The following DPP10 variants were observed in gnomAD, a reference collection of about 807,000 sequenced individuals.
DPP10 encodes dipeptidyl peptidase like 10, also known as inactive dipeptidyl peptidase 10.
In DPP10, 33 loss-of-function variants were observed where a neutral mutation model predicts 120.9. The ratio of observed to expected loss-of-function variants is 0.27; its 90% CI spans 0.21 to 0.37. The LOEUF is 0.37. DPP10 is among the 10% of genes least tolerant of loss of function. The pLI is 1.00. For synonymous variants in DPP10, 337 were observed against 326.1 expected, an observed-to-expected ratio of 1.03 and a Z score of -0.36; for missense variants, 816 against 942.8, an observed-to-expected ratio of 0.87 and a Z score of 1.76.
chr2:115,333,875 CT>C, intron 2 of DPP10, among the ~76,000 whole-genome samples: 1 of 152,026 alleles, frequency 6.6e-6, no homozygotes, highest in South Asian at 2.1e-4. Context: ...TTCACTTCAA[CT>C]TTGGTGTATC....
At chr2:114,717,943 A>AT (rs747336475) in intron 1 of DPP10, among the ~76,000 whole-genome samples, 121 of 152,280 alleles carry the variant, frequency 7.9e-4, no homozygotes, top group Non-Finnish European at 1.4e-3. Flanking sequence ...AACTATTGCT[A>AT]TTTTTTAACA....
rs574778371 is a variant in DPP10, at chr2:114,900,173, T to G, written c.61-409066T>G. On this transcript the variant is annotated intron_variant, in intron 1 of 25. Coordinates refer to ENST00000410059, the MANE Select transcript of DPP10 (RefSeq NM_020868.6). ...TAGTCAATAACAACGTACACTTAAA[T>G]TTTTGTCAAGAGGGTAGGACTTCAC... Among the ~76,000 whole-genome samples the G allele has an allele frequency of 2.2e-3, 331 of 152,318 alleles. 3 individuals are homozygous for G. The highest frequency in any genetic ancestry group is 7.6e-3 in the African/African-American group (315 of 41,568).
intron 8 of DPP10, among the ~76,000 whole-genome samples, chr2:115,732,174 CAT>C (rs2092926688): frequency 6.6e-6 from 1 of 152,038 alleles, no homozygotes; most frequent in African/African-American, 2.4e-5. Flanking sequence ...CAGAAAGTAA[CAT>C]GTAACATTTC....
chr2:114,539,061 T>C (rs1573601983), intron 1 of DPP10, among the ~76,000 whole-genome samples: 1 of 152,198 alleles, frequency 6.6e-6, no homozygotes, highest in East Asian at 1.9e-4. Context: ...TTCTTGCTTC[T>C]ACTCATAACC....
intron 1 of DPP10, among the ~76,000 whole-genome samples, chr2:114,565,904 C>T (rs1573669750): frequency 6.6e-6 from 1 of 152,286 alleles, no homozygotes; most frequent in East Asian, 1.9e-4. Flanking sequence ...TTCATTCATT[C>T]AATGTATATT....
chr2:114,455,130 G>A (rs560227778), intron 1 of DPP10, among the ~76,000 whole-genome samples: 3 of 148,244 alleles, frequency 2.0e-5, no homozygotes, highest in African/African-American at 7.5e-5. Context: ...ATACTTTGTT[G>A]GTTTTTTCAA....
At chr2:115,484,033 G>A (rs772834390) in intron 3 of DPP10, among the ~76,000 whole-genome samples, 6 of 151,928 alleles carry the variant, frequency 3.9e-5, no homozygotes, top group African/African-American at 1.2e-4. Context: ...AACATGACTC[G>A]TGTAGATGAC....
At chr2:115,375,184 G>A (rs1002997082) in intron 3 of DPP10, among the ~76,000 whole-genome samples, 1 of 152,152 alleles carries the variant, frequency 6.6e-6, no homozygotes, top group Admixed American at 6.5e-5. Flanking sequence ...ATGACTGTAT[G>A]CTGTTAGGAG....
At chr2:114,783,563 A>G (rs1358369458) in intron 1 of DPP10, among the ~76,000 whole-genome samples, 1 of 152,128 alleles carries the variant, frequency 6.6e-6, no homozygotes, top group Non-Finnish European at 1.5e-5. Flanking sequence ...TCTGCCTGGC[A>G]TGGTGGCGCA....
chr2:115,305,575 T>C (rs902557315), intron 1 of DPP10, among the ~76,000 whole-genome samples: 8 of 151,734 alleles, frequency 5.3e-5, no homozygotes, highest in African/African-American at 2.4e-5. Flanking sequence ...TTACAAAAAA[T>C]AATTTTAAAA....
chr2:115,633,614 A>G (rs2086076991), intron 5 of DPP10, among the ~76,000 whole-genome samples: 1 of 151,990 alleles, frequency 6.6e-6, no homozygotes, highest in African/African-American at 2.4e-5. Flanking sequence ...TTGGCCCTCA[A>G]TCTCTTCTGG....
chr2:115,428,380 C>T (rs908676473), intron 3 of DPP10, among the ~76,000 whole-genome samples: 19 of 152,108 alleles, frequency 1.2e-4, no homozygotes, highest in African/African-American at 3.4e-4. Context: ...TACCTTAGAC[C>T]GAGTAATTTA....
intron 1 of DPP10, among the ~76,000 whole-genome samples, chr2:114,559,362 G>A (rs1688571677): frequency 6.6e-6 from 1 of 152,162 alleles, no homozygotes; most frequent in African/African-American, 2.4e-5. Flanking sequence ...GTGAAAGAAT[G>A]TGAACAACCC....
intron 1 of DPP10, among the ~76,000 whole-genome samples, chr2:114,454,742 GC>G: frequency 6.6e-6 from 1 of 152,036 alleles, no homozygotes; most frequent in Middle Eastern, 3.4e-3. Context: ...AAGACGACTT[GC>G]TTTGTCCTTC....
chr2:115,535,952 C>T (rs944808142), intron 5 of DPP10, among the ~76,000 whole-genome samples: 8 of 151,840 alleles, frequency 5.3e-5, no homozygotes, highest in South Asian at 4.1e-4. Flanking sequence ...GTGATTTTTG[C>T]ACATTGATTT....
chr2:115,819,679 T>C (rs750538237), intron 21 of DPP10, among the ~76,000 whole-genome samples: 8 of 152,200 alleles, frequency 5.3e-5, no homozygotes, highest in Non-Finnish European at 8.8e-5. Context: ...AGCTTATTAA[T>C]TTTTCATTCT....
At chr2:115,346,209 T>C (rs995001481) in intron 3 of DPP10, among the ~76,000 whole-genome samples, 1 of 152,228 alleles carries the variant, frequency 6.6e-6, no homozygotes, top group African/African-American at 2.4e-5. Flanking sequence ...ATGGGAAATA[T>C]ATGAGTAGGA....
In DPP10 at chr2:115,422,267, A is replaced by T. The variant is rs553211582; in HGVS notation, c.272-77243A>T. Among the ~76,000 whole-genome samples, 15 of 152,358 alleles carry T rather than the reference A, an allele frequency of 9.8e-5. No homozygotes were observed. In the South Asian group the frequency reaches 2.5e-3, roughly 25 times the overall value. ...TACCGATATTTATAGCAAAGGCAAC[A>T]TAGAACTCTGGAGTTTGAATTAGTT... On this transcript the variant is annotated intron_variant, in intron 3 of 25. Transcript: ENST00000410059.
chr2:115,158,268 T>A (rs1405402852), intron 1 of DPP10, among the ~76,000 whole-genome samples: 1 of 152,188 alleles, frequency 6.6e-6, no homozygotes, highest in African/African-American at 2.4e-5. Context: ...ATCCAATTAT[T>A]ATCTAAATTT....
Sources: allele counts gnomAD v4.1 joint callset (sites outside exome capture counted in the v4.1 genomes callset), GRCh38; gene constraint gnomAD v4.1.1; transcripts MANE v1.5; gene names NCBI Gene and HGNC (gene_info 2026-07-23, HGNC 2026-07-21).